The following ATP11C variants were observed in gnomAD, a reference collection of about 807,000 sequenced individuals.
ATP11C encodes ATPase phospholipid transporting 11C (ATP11C blood group), also known as phospholipid-transporting ATPase IG.
In ATP11C, 36 loss-of-function variants were observed where a neutral mutation model predicts 97.4. The ratio of observed to expected loss-of-function variants is 0.37; its 90% confidence interval spans 0.28 to 0.49. The LOEUF is 0.49. Among genes scored for constraint, ATP11C ranks in the 20% least tolerant of loss-of-function variants. The pLI is 0.98. For synonymous variants in ATP11C, 275 were observed against 290.9 expected, an observed-to-expected ratio of 0.95 and a Z score of 0.56; for missense variants, 730 against 824.6, an observed-to-expected ratio of 0.89 and a Z score of 1.40.
Position 139,932,151 on chromosome X carries a change from A to AGGCG in ATP11C, c.-113_-110dup, listed in dbSNP as rs2085447912. On this transcript the variant is annotated 5_prime_UTR_variant, in exon 1 of 30. Coordinates refer to ENST00000682941, the MANE Select transcript of ATP11C (RefSeq NM_001353812.2). ...GCCGGCGGCGCCAAGCGGAGCAGCG[A>AGGCG]GGCGGGCGGCCGGGCCACCCGCTCG... 2.1e-5 allele frequency: 16 copies of AGGCG among 769,507 alleles called. No homozygotes were observed. The South Asian group carries it at 5.8e-4, about 28-fold the overall frequency. 63.4% of individuals were successfully genotyped at this position (769,507 alleles called of 1,213,427 possible).
intron 19 of ATP11C, among the ~76,000 whole-genome samples, 178 bp downstream of exon 19, chrX:139,774,512 T>C (rs2082312166): frequency 8.9e-6 from 1 of 112,132 alleles, no homozygotes; most frequent in African/African-American, 3.2e-5. Flanking sequence ...AGGTGGAAAG[T>C]GCCAAATAAT....
intron 1 of ATP11C, among the ~76,000 whole-genome samples, chrX:139,853,671 G>A (rs1336936952): frequency 1.8e-5 from 2 of 109,545 alleles, no homozygotes; most frequent in Non-Finnish European, 3.8e-5. Flanking sequence ...GGACAACCCC[G>A]TAGCCTTCTT....
intron 1 of ATP11C, among the ~76,000 whole-genome samples, chrX:139,879,132 G>C (rs1181657702): frequency 9.1e-6 from 1 of 110,169 alleles, no homozygotes; most frequent in Non-Finnish European, 1.9e-5. Context: ...AACAAAACAG[G>C]AGACTATAAA....
At chrX:139,771,113 C>G (rs1455401292) in intron 19 of ATP11C, among the ~76,000 whole-genome samples, 1 of 111,487 alleles carries the variant, frequency 9.0e-6, no homozygotes, top group Non-Finnish European at 1.9e-5. Context: ...CCAAAACTGC[C>G]ATGTGTTGTG....
chrX:139,825,017 C>T (rs2083495967), intron 2 of ATP11C, among the ~76,000 whole-genome samples: 1 of 111,710 alleles, frequency 9.0e-6, no homozygotes, highest in Non-Finnish European at 1.9e-5. Context: ...TTGGTCTTTT[C>T]GGAGTAGACC....
intron 19 of ATP11C, among the ~76,000 whole-genome samples, chrX:139,772,869 G>C (rs1276886129): frequency 9.0e-6 from 1 of 111,514 alleles, no homozygotes; most frequent in Non-Finnish European, 1.9e-5. Flanking sequence ...ACTTTGGACT[G>C]TAGACTTTTG....
intron 28 of ATP11C, among the ~76,000 whole-genome samples, chrX:139,733,913 A>G (rs1477454851): frequency 1.8e-5 from 2 of 111,836 alleles, no homozygotes; most frequent in Non-Finnish European, 3.8e-5. Context: ...AGGAGAAAGC[A>G]TGGAAAGAGT....
chrX:139,930,323 A>C (rs1284996459), intron 1 of ATP11C, among the ~76,000 whole-genome samples: 1 of 109,210 alleles, frequency 9.2e-6, no homozygotes, highest in Non-Finnish European at 1.9e-5. Context: ...GGGCTTTTAG[A>C]CCAATACTTG....
At chrX:139,800,219 A>G (rs2082898373) in intron 7 of ATP11C, 109 bp from the exon 8 acceptor site, 1 of 547,604 alleles carries the variant, frequency 1.8e-6, no homozygotes, top group Non-Finnish European at 3.0e-6. Flanking sequence ...AGATAGATAA[A>G]ACTGTGAATG....
At chrX:139,889,265 A>G (rs1340159425) in intron 1 of ATP11C, among the ~76,000 whole-genome samples, 1 of 112,332 alleles carries the variant, frequency 8.9e-6, no homozygotes, top group Non-Finnish European at 1.9e-5. Flanking sequence ...GGATAAATGC[A>G]AGGACATAGA....
chrX:139,751,501 G>A (rs751503468), intron 23 of ATP11C, among the ~76,000 whole-genome samples: 15 of 112,316 alleles, frequency 1.3e-4, no homozygotes, highest in African/African-American at 3.9e-4. Flanking sequence ...GGACTAGTCC[G>A]TGGCACATAA....
chrX:139,902,211 C>T (rs1380200357), intron 1 of ATP11C, among the ~76,000 whole-genome samples: 2 of 111,302 alleles, frequency 1.8e-5, no homozygotes, highest in African/African-American at 3.3e-5. Context: ...AGTTGTCCCG[C>T]CTTTCCCAAC....
chrX:139,761,849 T>C, intron 22 of ATP11C, 112 bp downstream of exon 22: 2 of 521,396 alleles, frequency 3.8e-6, no homozygotes, highest in Admixed American at 4.9e-5. Flanking sequence ...CAAATTTCAG[T>C]ATGAGATATC....
chrX:139,920,585 TGCTGGAATTAGATA>T lies in ATP11C; in HGVS notation c.27+11417_27+11430del, dbSNP rs1023380577. On this transcript the variant is annotated intron_variant, in intron 1 of 29. Coordinates refer to ENST00000682941, the MANE Select transcript of ATP11C (RefSeq NM_001353812.2). ...GTTTCTTTTTGAGGTAGTGGAAATGTGCTGGAATTAGATAGCTGTGATAGTTACACAGCATAGGA... is the reference window on the plus strand; with the variant it reads ...GTTTCTTTTTGAGGTAGTGGAAATGTGCTGTGATAGTTACACAGCATAGGA... Among the ~76,000 whole-genome samples, 11 of 111,600 alleles carry T rather than the reference TGCTGGAATTAGATA, an allele frequency of 9.9e-5. 1 individual carries two copies. In the Middle Eastern group the frequency reaches 0.014, roughly 142 times the overall value.
intron 1 of ATP11C, among the ~76,000 whole-genome samples, chrX:139,904,864 G>GGCAGGCAT (rs2084951472): frequency 8.9e-6 from 1 of 112,155 alleles, no homozygotes; most frequent in East Asian, 2.8e-4. Context: ...TACTGTTGCA[G>GGCAGGCAT]GCAGGCATGC....
chrX:139,851,424 C>A (rs772384685), intron 1 of ATP11C, among the ~76,000 whole-genome samples: 1 of 112,477 alleles, frequency 8.9e-6, no homozygotes, highest in South Asian at 3.7e-4. Flanking sequence ...AGCCTGGGTG[C>A]CCAGGCAGAG....
chrX:139,806,453 G>A (rs746936748), intron 5 of ATP11C, among the ~76,000 whole-genome samples: 2 of 112,135 alleles, frequency 1.8e-5, no homozygotes, highest in Non-Finnish European at 3.8e-5. Context: ...CAAGTGAACT[G>A]AATTTCAAAG....
At chrX:139,849,952 G>A (rs754747605) in intron 1 of ATP11C, among the ~76,000 whole-genome samples, 6 of 111,944 alleles carry the variant, frequency 5.4e-5, no homozygotes, top group East Asian at 2.8e-4. Flanking sequence ...TCCACCATGG[G>A]ATGATGCAGC....
intron 20 of ATP11C, among the ~76,000 whole-genome samples, chrX:139,765,164 G>C (rs1015048890): frequency 9.0e-6 from 1 of 110,712 alleles, no homozygotes; most frequent in Non-Finnish European, 1.9e-5. Flanking sequence ...CGTAAACATG[G>C]ACTTTTTCAC....
Sources: gnomAD v4.1 joint callset for allele counts (sites outside exome capture counted in the v4.1 genomes callset) on GRCh38, gnomAD v4.1.1 for gene constraint, MANE v1.5 for transcripts, NCBI Gene and HGNC (gene_info 2026-07-23, HGNC 2026-07-21) for gene names.